The following CHD7 variants were observed in gnomAD, a reference collection of about 807,000 sequenced individuals.
CHD7 encodes the protein chromodomain helicase DNA binding protein 7.
Under a neutral mutation model 307.3 loss-of-function variants are expected in CHD7, and 24 were observed. The ratio of observed to expected loss-of-function variants is 0.08; its 90% confidence interval spans 0.06 to 0.11. The LOEUF is 0.11. Among genes scored for constraint, CHD7 ranks in the 10% least tolerant of loss-of-function variants. The probability of loss-of-function intolerance (pLI) is 1.00; values close to 1 mark genes in which losing one functional copy is unlikely to be tolerated. For synonymous variants in CHD7, 1,363 were observed against 1,349.9 expected, an observed-to-expected ratio of 1.01 and a Z score of -0.21; for missense variants, 3,106 against 3,727.1, an observed-to-expected ratio of 0.83 and a Z score of 4.34.
intron 1 of CHD7, among the ~76,000 whole-genome samples, chr8:60,698,882 G>A (rs1806623853): frequency 6.6e-6 from 1 of 152,140 alleles, no homozygotes; most frequent in Non-Finnish European, 1.5e-5. Flanking sequence ...TGCCTCCTGG[G>A]CTCAAGTCAT....
chr8:60,808,120 C>T (rs974004029), intron 6 of CHD7, 97 bp from the exon 7 acceptor site: 15 of 840,042 alleles, frequency 1.8e-5, no homozygotes, highest in Non-Finnish European at 1.9e-5. Flanking sequence ...CTGCTCTTTT[C>T]AGTCCTATTT....
intron 34 of CHD7, among the ~76,000 whole-genome samples, chr8:60,859,052 T>C (rs1805845665): frequency 1.3e-5 from 2 of 152,238 alleles, no homozygotes; most frequent in East Asian, 1.9e-4. Context: ...TTGTTAAGAA[T>C]TTGTTGATAT....
intron 2 of CHD7, among the ~76,000 whole-genome samples, chr8:60,780,486 T>C (rs1424346490): frequency 6.6e-6 from 1 of 152,248 alleles, no homozygotes. Flanking sequence ...AAATGACTTG[T>C]ATTGTATTAG....
At chr8:60,692,734 C>T (rs184734327) in intron 1 of CHD7, among the ~76,000 whole-genome samples, 2 of 152,268 alleles carry the variant, frequency 1.3e-5, no homozygotes, top group East Asian at 3.9e-4. Context: ...TATCCTGGAC[C>T]TTGGCCGAAG....
intron 1 of CHD7, among the ~76,000 whole-genome samples, chr8:60,717,745 T>C (rs1398077195): frequency 4.6e-5 from 7 of 152,142 alleles, no homozygotes; most frequent in East Asian, 1.9e-4. Flanking sequence ...CCACTGACAA[T>C]TGTAGTCATC....
chr8:60,828,218 A>G (rs1283553499), intron 13 of CHD7, among the ~76,000 whole-genome samples: 1 of 152,192 alleles, frequency 6.6e-6, no homozygotes, highest in Non-Finnish European at 1.5e-5. Context: ...TGCATGTAGA[A>G]CTTCTTTTGT....
chr8:60,791,284 AC>A (rs1182510010), intron 3 of CHD7, among the ~76,000 whole-genome samples: 1 of 152,172 alleles, frequency 6.6e-6, no homozygotes, highest in Non-Finnish European at 1.5e-5. Context: ...GCTGGAATTT[AC>A]AGGTGTTCCC....
At chr8:60,860,019 T>TTATTGCAATAACCA (rs1412917172) in intron 34 of CHD7, among the ~76,000 whole-genome samples, 1 of 149,654 alleles carries the variant, frequency 6.7e-6, no homozygotes, top group Non-Finnish European at 1.5e-5. Context: ...GGGTGGGAAG[T>TTATTGCAATAACCA]GACAAAAGCC....
chr8:60,683,345 A>T (rs1805725783), intron 1 of CHD7, among the ~76,000 whole-genome samples: 1 of 152,248 alleles, frequency 6.6e-6, no homozygotes, highest in Non-Finnish European at 1.5e-5. Flanking sequence ...CAATTTGGGT[A>T]TCACTCAGGT....
chr8:60,828,481 C>A (rs1487621296), intron 13 of CHD7, among the ~76,000 whole-genome samples, 182 bp from the exon 14 acceptor site: 1 of 152,182 alleles, frequency 6.6e-6, no homozygotes, highest in South Asian at 2.1e-4. Flanking sequence ...GAGGACTGTC[C>A]ATGGATCTGT....
intron 19 of CHD7, among the ~76,000 whole-genome samples, chr8:60,839,480 G>A (rs1804878098): frequency 6.6e-6 from 1 of 152,152 alleles, no homozygotes; most frequent in African/African-American, 2.4e-5. Context: ...TTAACTTCAT[G>A]TTTGACTCTT....
chr8:60,817,548 A>G (rs1227009468), intron 8 of CHD7, among the ~76,000 whole-genome samples: 1 of 152,184 alleles, frequency 6.6e-6, no homozygotes, highest in African/African-American at 2.4e-5. Context: ...ACATGTCTGC[A>G]TCACTACCCC....
intron 1 of CHD7, among the ~76,000 whole-genome samples, chr8:60,737,167 A>G (rs1046203729): frequency 6.6e-6 from 1 of 151,986 alleles, no homozygotes; most frequent in Non-Finnish European, 1.5e-5. Context: ...TCATTTGACT[A>G]TTTCCCAATA....
intron 2 of CHD7, among the ~76,000 whole-genome samples, chr8:60,747,505 G>A (rs571652036): frequency 3.5e-4 from 54 of 152,144 alleles, no homozygotes; most frequent in African/African-American, 1.2e-3. Flanking sequence ...ATAAGTTTTC[G>A]CAAGACAAAA....
At chr8:60,842,119 A>G in intron 21 of CHD7, 67 bp downstream of exon 21, 1 of 1,300,452 alleles carries the variant, frequency 7.7e-7, no homozygotes, top group South Asian at 1.4e-5. Flanking sequence ...CAACTGGTAG[A>G]GAAAAACTAT....
At chr8:60,823,795 A>G in intron 12 of CHD7, 45 bp from the exon 13 acceptor site, 1 of 1,477,768 alleles carries the variant, frequency 6.8e-7, no homozygotes, top group South Asian at 1.1e-5. Context: ...AAAGTTATTT[A>G]TGTAACCATT....
intron 2 of CHD7, among the ~76,000 whole-genome samples, chr8:60,773,514 A>T (rs1265520179): frequency 6.6e-6 from 1 of 152,226 alleles, no homozygotes; most frequent in East Asian, 1.9e-4. Context: ...GTGTGTGTAG[A>T]TAAACAGGCT....
chr8:60,793,437 C>CT (rs1811870251), intron 3 of CHD7, among the ~76,000 whole-genome samples: 1 of 151,938 alleles, frequency 6.6e-6, no homozygotes, highest in Non-Finnish European at 1.5e-5. Context: ...AAATAAAACT[C>CT]TGAGTATTAA....
At chr8:60,697,686 C>A (rs1260748061) in intron 1 of CHD7, among the ~76,000 whole-genome samples, 1 of 152,034 alleles carries the variant, frequency 6.6e-6, no homozygotes, top group African/African-American at 2.4e-5. Flanking sequence ...AATAAAAAAC[C>A]ACAAAAACCT....
Sources: gnomAD v4.1 joint callset for allele counts (sites outside exome capture counted in the v4.1 genomes callset) on GRCh38, gnomAD v4.1.1 for gene constraint, MANE v1.5 for transcripts, NCBI Gene and HGNC (gene_info 2026-07-23, HGNC 2026-07-21) for gene names.